The following LRRC4C variants were observed in gnomAD, a reference collection of about 807,000 sequenced individuals.
LRRC4C encodes the protein leucine rich repeat containing 4C.
In LRRC4C, 5 loss-of-function variants were observed where a neutral mutation model predicts 33.6. The ratio of observed to expected loss-of-function variants is 0.15; its 90% CI spans 0.08 to 0.31. The LOEUF (loss-of-function observed/expected upper bound fraction) is 0.31. LRRC4C is among the 10% of genes least tolerant of loss of function. The pLI, the probability that LRRC4C is intolerant of heterozygous loss-of-function variation, is 1.00. For synonymous variants in LRRC4C, 329 were observed against 302.0 expected, an observed-to-expected ratio of 1.09 and a Z score of -0.93; for missense variants, 560 against 796.7, an observed-to-expected ratio of 0.70 and a Z score of 3.58.
chr11:41,092,503 A>G (rs1940497608), intron 1 of LRRC4C, among the ~76,000 whole-genome samples: 1 of 152,196 alleles, frequency 6.6e-6, no homozygotes, highest in African/African-American at 2.4e-5. Context: ...AATTGCATCA[A>G]AAGGCTATAA....
At chr11:40,896,519 T>C (rs943438984) in intron 2 of LRRC4C, among the ~76,000 whole-genome samples, 4 of 148,480 alleles carry the variant, frequency 2.7e-5, no homozygotes, top group African/African-American at 7.3e-5. Flanking sequence ...TGATAGAAAT[T>C]TGGGTCTGTA....
At chr11:40,252,795 T>C (rs1299428414) in intron 4 of LRRC4C, among the ~76,000 whole-genome samples, 2 of 152,214 alleles carry the variant, frequency 1.3e-5, no homozygotes. Flanking sequence ...GTAATCCATA[T>C]ATATGGCATA....
chr11:40,702,000 A>G (rs1945882340), intron 2 of LRRC4C, among the ~76,000 whole-genome samples: 1 of 151,738 alleles, frequency 6.6e-6, no homozygotes, highest in African/African-American at 2.4e-5. Context: ...AGTAAATATA[A>G]TACACCCAAA....
In LRRC4C at chr11:40,396,235, TA is replaced by T. The variant is rs538158125; in HGVS notation, c.-269-76515del. On this transcript the variant is annotated intron_variant, in intron 3 of 6. Coordinates refer to ENST00000528697, the MANE Select transcript of LRRC4C (RefSeq NM_001258419.2). ...CATAAGAATTGTTTCTGTTTTTTAT[TA>T]TTTTTTTTTCTTATTGATTACTACA... Among the ~76,000 whole-genome samples the T allele has an allele frequency of 1.3e-3, 199 of 152,218 alleles. 2 individuals are homozygous for T. Among genetic ancestry groups the T allele is most frequent in the African/African-American group, 4.6e-3 (191 of 41,534 alleles).
intron 1 of LRRC4C, among the ~76,000 whole-genome samples, chr11:41,448,683 G>C (rs1025152482): frequency 7.9e-5 from 12 of 152,064 alleles, no homozygotes; most frequent in African/African-American, 2.9e-4. Context: ...GTGAAGAAAG[G>C]TATTATACAT....
chr11:40,967,388 G>C (rs536375102), intron 1 of LRRC4C, among the ~76,000 whole-genome samples: 1 of 151,900 alleles, frequency 6.6e-6, no homozygotes, highest in Non-Finnish European at 1.5e-5. Flanking sequence ...TTTCATTTTT[G>C]TTTACTATGT....
intron 3 of LRRC4C, among the ~76,000 whole-genome samples, chr11:40,460,482 G>C (rs1051250415): frequency 2.0e-5 from 3 of 152,052 alleles, no homozygotes; most frequent in Non-Finnish European, 4.4e-5. Context: ...AATATATCTG[G>C]ATTGACTGAG....
intron 1 of LRRC4C, among the ~76,000 whole-genome samples, chr11:41,322,783 G>C (rs920109581): frequency 6.6e-6 from 1 of 152,112 alleles, no homozygotes; most frequent in Admixed American, 6.6e-5. Context: ...TACTCAGAAG[G>C]GAAAAGGTTC....
At chr11:41,451,520 G>A (rs2138646720) in intron 1 of LRRC4C, among the ~76,000 whole-genome samples, 1 of 152,164 alleles carries the variant, frequency 6.6e-6, no homozygotes, top group South Asian at 2.1e-4. Flanking sequence ...TGATGGAAGA[G>A]ATGAAAATCA....
chr11:40,137,605 G>T (rs946594920), intron 6 of LRRC4C, among the ~76,000 whole-genome samples: 2 of 152,068 alleles, frequency 1.3e-5, no homozygotes, highest in Non-Finnish European at 2.9e-5. Flanking sequence ...TATCTATTGG[G>T]TTTTTGCCTT....
intron 5 of LRRC4C, among the ~76,000 whole-genome samples, chr11:40,183,999 C>A (rs968523443): frequency 1.3e-5 from 2 of 152,180 alleles, no homozygotes; most frequent in African/African-American, 4.8e-5. Flanking sequence ...AAGAATAGAA[C>A]TGAAACTGAA....
At chr11:41,335,011 C>T (rs1951407110) in intron 1 of LRRC4C, among the ~76,000 whole-genome samples, 1 of 152,142 alleles carries the variant, frequency 6.6e-6, no homozygotes, top group Non-Finnish European at 1.5e-5. Flanking sequence ...AGTCTGGTCC[C>T]AATCTAGTCT....
Position 41,141,782 on chromosome 11 carries a change from T to C in LRRC4C, c.-495-208059A>G, listed in dbSNP as rs115636894. ...AGGAAATGTGAGTCAATTGAAACTG[T>C]TTTCTTTATAAATTAACCAATCTCG... On this transcript the variant is annotated intron_variant, in intron 1 of 6. Transcript: ENST00000528697. Among the ~76,000 whole-genome samples, 625 of 152,290 alleles carry C rather than the reference T, an allele frequency of 4.1e-3. 5 individuals are homozygous for C. The highest frequency in any genetic ancestry group is 0.014 in the African/African-American group (600 of 41,572).
At chr11:40,895,269 C>T (rs1955889059) in intron 2 of LRRC4C, among the ~76,000 whole-genome samples, 1 of 151,766 alleles carries the variant, frequency 6.6e-6, no homozygotes, top group Non-Finnish European at 1.5e-5. Flanking sequence ...TAAAGGATTC[C>T]AGAATTTTAA....
chr11:41,207,198 A>G (rs1417271245), intron 1 of LRRC4C, among the ~76,000 whole-genome samples: 1 of 152,116 alleles, frequency 6.6e-6, no homozygotes, highest in African/African-American at 2.4e-5. Flanking sequence ...CCAATTTACA[A>G]TCACATGGGG....
intron 1 of LRRC4C, among the ~76,000 whole-genome samples, chr11:41,217,527 C>T (rs1304968636): frequency 2.6e-5 from 4 of 152,096 alleles, no homozygotes; most frequent in Non-Finnish European, 4.4e-5. Flanking sequence ...AGTATTTAGG[C>T]TTTAAAAATG....
chr11:40,989,571 T>C (rs1842766925), intron 1 of LRRC4C, among the ~76,000 whole-genome samples: 1 of 152,152 alleles, frequency 6.6e-6, no homozygotes. Flanking sequence ...TCAGGAAGGA[T>C]TTATACATAA....
chr11:40,659,318 C>T (rs1943299574), intron 2 of LRRC4C, among the ~76,000 whole-genome samples: 2 of 152,186 alleles, frequency 1.3e-5, no homozygotes, highest in Admixed American at 6.5e-5. Flanking sequence ...CAGGAACAGC[C>T]TGTGGCTGTG....
intron 1 of LRRC4C, among the ~76,000 whole-genome samples, chr11:41,389,995 A>G (rs1011961582): frequency 7.9e-5 from 12 of 151,940 alleles, no homozygotes; most frequent in African/African-American, 2.9e-4. Context: ...AGGACATACT[A>G]TTTACCAAGA....
Sources: allele counts gnomAD v4.1 joint callset (sites outside exome capture counted in the v4.1 genomes callset), GRCh38; gene constraint gnomAD v4.1.1; transcripts MANE v1.5; gene names NCBI Gene and HGNC (gene_info 2026-07-23, HGNC 2026-07-21).